Variants in SEMA3C observed in about 807,000 individuals in gnomAD.
SEMA3C encodes the protein semaphorin 3C, also known as semaphorin-3C.
In SEMA3C, 47 loss-of-function variants were observed where a neutral mutation model predicts 89.4. The observed-to-expected ratio is 0.53, with a 90% confidence interval of 0.42 to 0.67. The LOEUF is 0.67. SEMA3C is among the 30% of genes least tolerant of loss of function. The pLI, the probability that SEMA3C is intolerant of heterozygous loss-of-function variation, is 0.00. For missense variants in SEMA3C, 839 were observed against 929.1 expected (o/e 0.90, Z 1.26); for synonymous variants, 310 against 320.2 (o/e 0.97, Z 0.34).
chr7:80,783,879 A>C lies in SEMA3C; in HGVS notation c.1354+5427T>G, dbSNP rs144476338. 1.8e-3 allele frequency among the ~76,000 whole-genome samples: 272 copies of C among 152,326 alleles called. 1 individual carries two copies. The highest frequency in any genetic ancestry group is 6.2e-3 in the African/African-American group (258 of 41,572). Reference sequence around the variant, plus strand: ...TCCTCCAGTTAAACGGAAGCTAATAAGAAGCATGAAACAGTATACACTATA... The same window carrying C: ...TCCTCCAGTTAAACGGAAGCTAATACGAAGCATGAAACAGTATACACTATA... On this transcript the variant is annotated intron_variant, in intron 12 of 17. Transcript: ENST00000265361.
chr7:80,774,940 A>G (rs1788511900), intron 12 of SEMA3C, among the ~76,000 whole-genome samples: 1 of 152,102 alleles, frequency 6.6e-6, no homozygotes, highest in African/African-American at 2.4e-5. Flanking sequence ...AAAACAAACC[A>G]CAGAGAAAAA....
At chr7:80,904,124 T>C (rs930490220) in intron 2 of SEMA3C, among the ~76,000 whole-genome samples, 2 of 152,180 alleles carry the variant, frequency 1.3e-5, no homozygotes, top group African/African-American at 4.8e-5. Context: ...CACTGCAACC[T>C]CCACCTCCTA....
chr7:80,833,484 G>A (rs1790056069), intron 2 of SEMA3C, among the ~76,000 whole-genome samples: 1 of 151,714 alleles, frequency 6.6e-6, no homozygotes, highest in Non-Finnish European at 1.5e-5. Context: ...AGAAAGAAAA[G>A]AAAAGAAAAT....
intron 2 of SEMA3C, among the ~76,000 whole-genome samples, chr7:80,892,989 T>C (rs1562973083): frequency 2.0e-5 from 3 of 152,218 alleles, no homozygotes; most frequent in Non-Finnish European, 2.9e-5. Context: ...TTGTGTTACA[T>C]TGAGCAACCT....
In SEMA3C at chr7:80,863,230, T is replaced by TAA. The variant is rs57655836; in HGVS notation, c.104-34487_104-34486dup. Among the ~76,000 whole-genome samples the TAA allele has an allele frequency of 1.2e-3, 152 of 125,690 alleles. 1 individual carries two copies. The highest frequency in any genetic ancestry group is 8.5e-3 in the Middle Eastern group (2 of 234). The allele number at this position is 125,690 out of a possible 152,430, so 82.5% of individuals were successfully genotyped here. On this transcript the variant is annotated intron_variant, in intron 2 of 17. Coordinates refer to ENST00000265361, the MANE Select transcript of SEMA3C (RefSeq NM_006379.5). ...CTGGTGACAGAGCGAGACTCCATCT[T>TAA]AAAAAAAAAAAAAAAATAGCTCAAC...
chr7:80,805,506 G>A (rs1161632128), intron 7 of SEMA3C, 133 bp downstream of exon 7: 5 of 629,318 alleles, frequency 7.9e-6, no homozygotes, highest in Non-Finnish European at 1.3e-5. Flanking sequence ...AAATCATAGG[G>A]TACAGAATTA....
chr7:80,831,749 T>C (rs1485333106), intron 2 of SEMA3C, among the ~76,000 whole-genome samples: 1 of 152,120 alleles, frequency 6.6e-6, no homozygotes, highest in Non-Finnish European at 1.5e-5. Context: ...GAAAAATTGA[T>C]GTGAGAAATG....
Position 80,826,040 on chromosome 7 carries a change from G to C in SEMA3C, c.327+1385C>G, listed in dbSNP as rs1384507222. Reference sequence around the variant, plus strand: ...CTGCCCACTTTTAAATTTTTTTATTGGATAAATCACTCCAAGAACCCTCTA... The same window carrying C: ...CTGCCCACTTTTAAATTTTTTTATTCGATAAATCACTCCAAGAACCCTCTA... On this transcript the variant is annotated intron_variant, in intron 4 of 17. Coordinates refer to ENST00000265361, the MANE Select transcript of SEMA3C (RefSeq NM_006379.5). 2.0e-5 allele frequency among the ~76,000 whole-genome samples: 3 copies of C among 151,834 alleles called. No individual in the cohort carries two copies. In the East Asian group the frequency reaches 5.8e-4, roughly 29 times the overall value.
chr7:80,834,171 C>T (rs765469495), intron 2 of SEMA3C, among the ~76,000 whole-genome samples: 1 of 151,924 alleles, frequency 6.6e-6, no homozygotes, highest in Non-Finnish European at 1.5e-5. Flanking sequence ...GGTCTCCTGG[C>T]CCCTGGGAAA....
intron 15 of SEMA3C, among the ~76,000 whole-genome samples, chr7:80,754,965 T>TTTG (rs781275156): frequency 1.7e-4 from 9 of 52,988 alleles, no homozygotes; most frequent in South Asian, 5.3e-4. Flanking sequence ...TTGTTTTTTT[T>TTTG]TTTTTTGTAT....
chr7:80,899,057 T>C (rs1000623348), intron 2 of SEMA3C, among the ~76,000 whole-genome samples: 1 of 152,230 alleles, frequency 6.6e-6, no homozygotes, highest in African/African-American at 2.4e-5. Flanking sequence ...TTTTTTTTGT[T>C]TGAGACAGAG....
intron 14 of SEMA3C, among the ~76,000 whole-genome samples, chr7:80,759,929 C>T (rs1788146202): frequency 6.6e-6 from 1 of 151,904 alleles, no homozygotes; most frequent in Non-Finnish European, 1.5e-5. Flanking sequence ...TTTAAGGATA[C>T]TAGTATATTT....
At chr7:80,837,982 A>C (rs1790171919) in intron 2 of SEMA3C, among the ~76,000 whole-genome samples, 1 of 152,166 alleles carries the variant, frequency 6.6e-6, no homozygotes, top group Admixed American at 6.6e-5. Context: ...GTCTTTGTTC[A>C]TTCACATTCT....
At chr7:80,817,508 G>T (rs1452952071) in intron 5 of SEMA3C, among the ~76,000 whole-genome samples, 1 of 152,226 alleles carries the variant, frequency 6.6e-6, no homozygotes, top group African/African-American at 2.4e-5. Context: ...AAAAGAATGA[G>T]TAGTAACTCT....
chr7:80,874,920 A>C (rs1372703827), intron 2 of SEMA3C, among the ~76,000 whole-genome samples: 5 of 152,172 alleles, frequency 3.3e-5, no homozygotes, highest in African/African-American at 1.2e-4. Flanking sequence ...AACTCTAGTA[A>C]AAATACAAAA....
rs114127325 is a variant in SEMA3C at position 80,895,030 on chromosome 7, G to A, written c.103+21649C>T. ...ACACTGTAAAATAAAACATGTCCCA[G>A]TCACTAATGGCATCCAACTATCACC... On this transcript the variant is annotated intron_variant, in intron 2 of 17. Transcript: ENST00000265361. 2.7e-3 allele frequency among the ~76,000 whole-genome samples: 417 copies of A among 152,210 alleles called. 1 individual carries two copies. The highest frequency in any genetic ancestry group is 9.3e-3 in the African/African-American group (385 of 41,546).
chr7:80,864,259 G>T (rs1278229970), intron 2 of SEMA3C, among the ~76,000 whole-genome samples: 1 of 151,336 alleles, frequency 6.6e-6, no homozygotes, highest in Non-Finnish European at 1.5e-5. Context: ...GTGAGAGCGG[G>T]TGAGGGATAA....
chr7:80,846,104 G>C (rs1790382579), intron 2 of SEMA3C, among the ~76,000 whole-genome samples: 3 of 152,156 alleles, frequency 2.0e-5, no homozygotes, highest in African/African-American at 4.8e-5. Context: ...CATAAGGGTA[G>C]TCTATGTGCC....
At chr7:80,771,756 G>A (rs778728313) in intron 12 of SEMA3C, among the ~76,000 whole-genome samples, 5 of 152,020 alleles carry the variant, frequency 3.3e-5, no homozygotes, top group Non-Finnish European at 5.9e-5. Flanking sequence ...AGGGATTTGG[G>A]GGAACACTGC....
Sources: allele counts gnomAD v4.1 joint callset (sites outside exome capture counted in the v4.1 genomes callset), GRCh38; gene constraint gnomAD v4.1.1; transcripts MANE v1.5; gene names NCBI Gene and HGNC (gene_info 2026-07-23, HGNC 2026-07-21).